The following CD200R1L variants were observed in gnomAD, a reference collection of about 807,000 sequenced individuals.
The protein encoded by CD200R1L is CD200 receptor 1 like.
Under a neutral mutation model 24.8 loss-of-function variants are expected in CD200R1L, and 14 were observed. The observed-to-expected ratio is 0.56, with a 90% CI of 0.37 to 0.88. The LOEUF is 0.88. Among genes scored for constraint, CD200R1L ranks in the 40% least tolerant of loss-of-function variants. The pLI is 0.00. For synonymous variants in CD200R1L, 111 were observed against 109.2 expected, an observed-to-expected ratio of 1.02 and a Z score of -0.11; for missense variants, 299 against 297.8, an observed-to-expected ratio of 1.00 and a Z score of -0.03.
At chr3:112,839,437 C>T (rs1470562806) in intron 2 of CD200R1L, among the ~76,000 whole-genome samples, 1 of 152,160 alleles carries the variant, frequency 6.6e-6, no homozygotes, top group Non-Finnish European at 1.5e-5. Flanking sequence ...AAGATTGGCT[C>T]GTTTCTCCTA....
At chr3:112,837,668 T>G (rs1938983293) in intron 3 of CD200R1L, among the ~76,000 whole-genome samples, 1 of 152,244 alleles carries the variant, frequency 6.6e-6, no homozygotes, top group South Asian at 2.1e-4. Flanking sequence ...TCTGTATCCT[T>G]GTCTAATTCC....
At chr3:112,826,595 A>G (rs573330126) in intron 6 of CD200R1L, among the ~76,000 whole-genome samples, 10 of 152,324 alleles carry the variant, frequency 6.6e-5, no homozygotes, top group African/African-American at 2.2e-4. Flanking sequence ...ATTAATTAAT[A>G]TATTGCTTTT....
In CD200R1L at chr3:112,821,056, CA is replaced by C. The variant is rs552399170; in HGVS notation, c.617-1162del. Among the ~76,000 whole-genome samples, 583 of 82,788 alleles carry C rather than the reference CA, an allele frequency of 7.0e-3. 1 individual carries two copies. Among genetic ancestry groups the C allele is most frequent in the African/African-American group, 0.018 (415 of 22,984 alleles). 54.3% of individuals were successfully genotyped at this position (82,788 alleles called of 152,430 possible). On this transcript the variant is annotated intron_variant, in intron 6 of 7. Coordinates refer to ENST00000488794, the MANE Select transcript of CD200R1L (RefSeq NM_001199215.3). ...TGGGTGACAGATTGAGACTCTGTCT[CA>C]AAAAAAAAAAAAAAAGTAAAGTAAA...
At chr3:112,845,986 T>C in intron 1 of CD200R1L, 36 bp from the exon 2 acceptor site, 2 of 417,334 alleles carry the variant, frequency 4.8e-6, no homozygotes, top group Non-Finnish European at 8.6e-6. Context: ...TGCTTACTAC[T>C]CATTGCTTCT....
chr3:112,826,855 A>T, intron 6 of CD200R1L, 138 bp downstream of exon 6: 1 of 954,170 alleles, frequency 1.0e-6, no homozygotes, highest in Non-Finnish European at 1.5e-6. Flanking sequence ...CTAGCGTTGT[A>T]ATGCATTTCT....
chr3:112,817,665 T>C (rs1938430490), intron 7 of CD200R1L, among the ~76,000 whole-genome samples: 1 of 152,240 alleles, frequency 6.6e-6, no homozygotes, highest in Non-Finnish European at 1.5e-5. Context: ...ATTAAATTTT[T>C]GTGGTGTGAA....
In CD200R1L at chr3:112,845,729, C is replaced by T; in HGVS notation, c.-137G>A. ...CAGTAATCTTGGAGCTGACATCTTC[C>T]CTAAAGTATGCTTTTGGAGTGGTTT... On this transcript the variant is annotated 5_prime_UTR_variant, in exon 2 of 8. Coordinates refer to ENST00000488794, the MANE Select transcript of CD200R1L (RefSeq NM_001199215.3). The T allele has an allele frequency of 6.2e-7, 1 of 1,612,174 alleles. No homozygotes were observed. Among genetic ancestry groups the T allele is most frequent in the Non-Finnish European group, 8.5e-7 (1 of 1,178,716 alleles).
In CD200R1L at chr3:112,845,792, G is replaced by T; in HGVS notation, c.-200C>A. On this transcript the variant is annotated 5_prime_UTR_variant, in exon 2 of 8. In the 5' UTR this introduces an upstream ATG that the reference lacks. Coordinates refer to ENST00000488794, the MANE Select transcript of CD200R1L (RefSeq NM_001199215.3). Reference sequence around the variant, plus strand: ...TAAATCCACTTTAAATCAATCAACAGACTTGGTGAATCTGTTTCTCTTGGT... The same window carrying T: ...TAAATCCACTTTAAATCAATCAACATACTTGGTGAATCTGTTTCTCTTGGT... 7.8e-7 allele frequency: 1 copy of T among 1,289,932 alleles called. No individual in the cohort carries two copies. The highest frequency in any genetic ancestry group is 1.2e-5 in the South Asian group (1 of 81,912). The allele number at this position is 1,289,932 out of a possible 1,614,324, so 79.9% of individuals were successfully genotyped here.
intron 7 of CD200R1L, among the ~76,000 whole-genome samples, chr3:112,819,272 A>T (rs1016458962): frequency 1.3e-5 from 2 of 152,222 alleles, no homozygotes; most frequent in Non-Finnish European, 2.9e-5. Flanking sequence ...TAACTATCAC[A>T]TCAAGTCGCA....
intron 3 of CD200R1L, among the ~76,000 whole-genome samples, chr3:112,831,853 T>C (rs752288573): frequency 6.6e-6 from 1 of 152,232 alleles, no homozygotes; most frequent in African/African-American, 2.4e-5. Flanking sequence ...CCATGGTTCT[T>C]TGTTACAACA....
chr3:112,833,877 C>G (rs1236906701), intron 3 of CD200R1L, among the ~76,000 whole-genome samples: 1 of 152,146 alleles, frequency 6.6e-6, no homozygotes, highest in African/African-American at 2.4e-5. Flanking sequence ...CCCTGAAAGA[C>G]AGTGATGATG....
chr3:112,826,955 G>C, intron 6 of CD200R1L, 38 bp downstream of exon 6: 2 of 1,513,054 alleles, frequency 1.3e-6, no homozygotes, highest in Non-Finnish European at 8.8e-7. Flanking sequence ...AAAAAGTTGA[G>C]CATCAAGTTT....
At chr3:112,827,771 GT>G in intron 4 of CD200R1L, 87 bp from the exon 5 acceptor site, 1 of 1,267,618 alleles carries the variant, frequency 7.9e-7, no homozygotes, top group Non-Finnish European at 1.1e-6. Context: ...ATTACATGAA[GT>G]TTTATTAGAA....
chr3:112,831,465 G>A (rs761776036), intron 3 of CD200R1L, among the ~76,000 whole-genome samples: 5 of 152,180 alleles, frequency 3.3e-5, no homozygotes, highest in Non-Finnish European at 7.3e-5. Flanking sequence ...GCCTCTTATA[G>A]GTTGAATTGT....
chr3:112,821,654 TTTTTTG>T (rs200456703), intron 6 of CD200R1L, among the ~76,000 whole-genome samples: 6 of 152,260 alleles, frequency 3.9e-5, no homozygotes, highest in Non-Finnish European at 8.8e-5. Context: ...CTGTGGTGTT[TTTTTTG>T]TTTTGTTTTG....
Position 112,827,466 on chromosome 3 carries a change from G to A in CD200R1L, c.268C>T (p.Gln90Ter). ...TGAGTGGTGTCCACCGGACGAATCTGAAGGTCCGAATTCTGATCAGGTCTA... is the reference window on the plus strand; with the variant it reads ...TGAGTGGTGTCCACCGGACGAATCTAAAGGTCCGAATTCTGATCAGGTCTA... The part of the protein sequence containing the change: ...VSRPDQNSDL[Q>*]IRPVDTTHDG... Residue 90 changes from glutamine to a stop codon, truncating the protein, a stop_gained, in exon 5 of 8, where the codon CAG (glutamine) becomes TAG (stop). Transcript: ENST00000488794. LOFTEE classifies it high-confidence loss of function. The A allele has an allele frequency of 1.2e-6, 2 of 1,614,186 alleles. No individual in the cohort carries two copies. The highest frequency in any genetic ancestry group is 2.2e-5 in the East Asian group (1 of 44,888).
chr3:112,821,072 A>AG (rs1938524675), intron 6 of CD200R1L, among the ~76,000 whole-genome samples: 1 of 151,092 alleles, frequency 6.6e-6, no homozygotes, highest in Admixed American at 6.6e-5. Context: ...AAAAAAAAAA[A>AG]GTAAAGTAAA....
rs780196788 is a variant in CD200R1L at position 112,827,538 on chromosome 3, C to T, written c.196G>A (p.Glu66Lys). The change falls in exon 5 of 8, where the codon GAG becomes AAG. Residue 66 changes from glutamate to lysine, a missense_variant. Coordinates refer to ENST00000488794, the MANE Select transcript of CD200R1L (RefSeq NM_001199215.3). ...CTKAYKKETN[E>K]TKETNCTVER... ...ACAGTACAGTTGGTTTCCTTGGTCT[C>T]ATTTGTTTCTTTCTTGTAGGCTTTT... 3 of 1,614,184 alleles carry T rather than the reference C, an allele frequency of 1.9e-6. No homozygotes were observed. Among genetic ancestry groups the T allele is most frequent in the South Asian group, 2.2e-5 (2 of 91,076 alleles).
chr3:112,816,236 C>T (rs1441657376), intron 7 of CD200R1L, among the ~76,000 whole-genome samples: 2 of 152,168 alleles, frequency 1.3e-5, no homozygotes, highest in Admixed American at 6.5e-5. Context: ...CTCATCTTGA[C>T]TGAGCTTACT....
Sources: gnomAD v4.1 joint callset for allele counts (sites outside exome capture counted in the v4.1 genomes callset) on GRCh38, gnomAD v4.1.1 for gene constraint, MANE v1.5 for transcripts, NCBI Gene and HGNC (gene_info 2026-07-23, HGNC 2026-07-21) for gene names.